Variants in NAV2 observed in about 807,000 individuals in gnomAD.
NAV2 encodes the protein neuron navigator 2, also known as helicase, APC down-regulated 1.
Under a neutral mutation model 223.2 loss-of-function variants are expected in NAV2, and 54 were observed. The ratio of observed to expected loss-of-function variants is 0.24; its 90% CI spans 0.19 to 0.30. The LOEUF (loss-of-function observed/expected upper bound fraction) is 0.30, where lower values mean the gene tolerates loss of function less well. NAV2 is among the 10% of genes least tolerant of loss of function. The pLI is 1.00. For synonymous variants in NAV2, 1,279 were observed against 1,239.3 expected (o/e 1.03, Z -0.67); for missense variants, 2,806 against 3,147.5 (o/e 0.89, Z 2.60).
chr11:19,840,105 T>C (rs2060431051), intron 2 of NAV2, among the ~76,000 whole-genome samples: 1 of 152,238 alleles, frequency 6.6e-6, no homozygotes, highest in Non-Finnish European at 1.5e-5. Context: ...ATTTCAAGTA[T>C]ATGAAACTGG....
chr11:19,384,417 A>G (rs990440686), intron 1 of NAV2, among the ~76,000 whole-genome samples: 4 of 152,228 alleles, frequency 2.6e-5, no homozygotes, highest in African/African-American at 9.7e-5. Context: ...ATCATTGTGC[A>G]GATGTTGACT....
chr11:19,495,460 C>T (rs192037201), intron 1 of NAV2, among the ~76,000 whole-genome samples: 10 of 152,252 alleles, frequency 6.6e-5, no homozygotes, highest in South Asian at 6.2e-4. Flanking sequence ...GGAAAGCTGC[C>T]CAGAGGTGGT....
intron 11 of NAV2, among the ~76,000 whole-genome samples, chr11:20,021,462 C>G (rs989583991): frequency 6.6e-6 from 1 of 152,160 alleles, no homozygotes; most frequent in Non-Finnish European, 1.5e-5. Context: ...GCCCATGTGC[C>G]TGTGTGTCTC....
chr11:19,830,299 A>G (rs2059862130), intron 1 of NAV2, among the ~76,000 whole-genome samples: 1 of 152,234 alleles, frequency 6.6e-6, no homozygotes, highest in Admixed American at 6.5e-5. Flanking sequence ...ACCTAGAGTC[A>G]GTAGGAGGAT....
Position 19,839,062 on chromosome 11 carries a change from T to G in NAV2, c.386-3809T>G, listed in dbSNP as rs2060380646. Reference sequence around the variant, plus strand: ...AGGCAGAAGAAAGTGGGCCTTTTGCTGCTGCTCTTTAGGAGCCTTCCTTTG... The same window carrying G: ...AGGCAGAAGAAAGTGGGCCTTTTGCGGCTGCTCTTTAGGAGCCTTCCTTTG... On this transcript the variant is annotated intron_variant, in intron 2 of 37. Transcript: ENST00000349880. 2.6e-5 allele frequency among the ~76,000 whole-genome samples: 4 copies of G among 152,354 alleles called. No homozygotes were observed. In the South Asian group the frequency reaches 8.3e-4, roughly 32 times the overall value.
intron 1 of NAV2, among the ~76,000 whole-genome samples, chr11:19,758,530 C>T (rs2054431798): frequency 6.6e-6 from 1 of 152,128 alleles, no homozygotes; most frequent in African/African-American, 2.4e-5. Context: ...TGCGGGGGAC[C>T]AGGAATCCAT....
chr11:19,818,231 ATTTTTTTTTTTTTT>A (rs34649376), intron 1 of NAV2, among the ~76,000 whole-genome samples: 5 of 56,038 alleles, frequency 8.9e-5, no homozygotes, highest in Non-Finnish European at 1.2e-4. Context: ...GTATTTAGTG[ATTTTTTTTTTTTTT>A]TTTTTTTTTT....
At chr11:19,582,630 T>C (rs2045758230) in intron 1 of NAV2, among the ~76,000 whole-genome samples, 2 of 152,206 alleles carry the variant, frequency 1.3e-5, no homozygotes, top group African/African-American at 4.8e-5. Context: ...GGAATCCTTT[T>C]GCCATTTCTA....
chr11:19,391,892 C>T (rs918922490), intron 1 of NAV2, among the ~76,000 whole-genome samples: 3 of 152,112 alleles, frequency 2.0e-5, no homozygotes, highest in Admixed American at 6.5e-5. Flanking sequence ...CAGCTCAACT[C>T]GCAGGGATTA....
chr11:19,884,436 C>A, intron 5 of NAV2: 1 of 1,337,116 alleles, frequency 7.5e-7, no homozygotes, highest in Non-Finnish European at 1.1e-6. Flanking sequence ...TCTGTTCTGG[C>A]TGAGTTTGCC....
intron 1 of NAV2, among the ~76,000 whole-genome samples, chr11:19,731,678 G>A (rs558984362): frequency 2.6e-5 from 4 of 152,330 alleles, no homozygotes; most frequent in South Asian, 4.1e-4. Context: ...CCTGGGCCAC[G>A]TCATTGAGTT....
At chr11:20,098,844 TG>T (rs1199428741) in intron 31 of NAV2, among the ~76,000 whole-genome samples, 2 of 152,214 alleles carry the variant, frequency 1.3e-5, no homozygotes, top group Non-Finnish European at 2.9e-5. Context: ...CAAGCACAGC[TG>T]GATCCAGGTG....
chr11:19,474,983 G>T (rs2042072894), intron 1 of NAV2, among the ~76,000 whole-genome samples: 1 of 152,234 alleles, frequency 6.6e-6, no homozygotes, highest in Admixed American at 6.5e-5. Flanking sequence ...GTGGTGGGTG[G>T]TGGGGAATGA....
chr11:19,555,259 G>A (rs550890533), intron 1 of NAV2, among the ~76,000 whole-genome samples: 9 of 152,312 alleles, frequency 5.9e-5, no homozygotes, highest in African/African-American at 1.9e-4. Flanking sequence ...GCCTCAGCTG[G>A]TCCCCAGGTA....
chr11:19,708,913 A>G (rs1289041100), upstream of NAV2, among the ~76,000 whole-genome samples: 1 of 151,788 alleles, frequency 6.6e-6, no homozygotes, highest in African/African-American at 2.4e-5. Context: ...AAAAAAAAAA[A>G]AAGAAAAAAA....
intron 1 of NAV2, among the ~76,000 whole-genome samples, chr11:19,469,717 G>T (rs1290501593): frequency 6.6e-6 from 1 of 152,204 alleles, no homozygotes; most frequent in Non-Finnish European, 1.5e-5. Context: ...AAGCATCATT[G>T]TTTAACTGGG....
rs746660454 is a variant in NAV2, at chr11:20,083,197, G to A, written c.5498+18G>A. 1 of 1,604,142 alleles carries A rather than the reference G, an allele frequency of 6.2e-7. No homozygotes were observed. Among genetic ancestry groups the A allele is most frequent in the South Asian group, 1.1e-5 (1 of 89,032 alleles). On this transcript the variant is annotated intron_variant, in intron 26 of 37. Transcript: ENST00000349880. ...AACTCTCTGTAAGTCTGTCTGTCTA[G>A]TCAGATAACATCTTTGGCCCCTGAG...
intron 26 of NAV2, among the ~76,000 whole-genome samples, chr11:20,086,837 G>A (rs191736082): frequency 3.4e-4 from 51 of 152,228 alleles, no homozygotes; most frequent in Middle Eastern, 3.4e-3. Flanking sequence ...AGACACAGAG[G>A]GGGGCAGAGT....
chr11:19,570,488 C>G (rs925471596), intron 1 of NAV2, among the ~76,000 whole-genome samples: 1 of 152,144 alleles, frequency 6.6e-6, no homozygotes, highest in African/African-American at 2.4e-5. Context: ...CTTTTCTACA[C>G]CAAATGACAG....
Sources: gnomAD v4.1 joint callset for allele counts (sites outside exome capture counted in the v4.1 genomes callset) on GRCh38, gnomAD v4.1.1 for gene constraint, MANE v1.5 for transcripts, NCBI Gene and HGNC (gene_info 2026-07-23, HGNC 2026-07-21) for gene names.